Variants in NDUFA12 observed in about 807,000 individuals in gnomAD.
The protein encoded by NDUFA12 is NADH dehydrogenase [ubiquinone] 1 alpha subcomplex subunit 12.
Under a neutral mutation model 20.3 loss-of-function variants are expected in NDUFA12, and 17 were observed. The ratio of observed to expected loss-of-function variants is 0.84; its 90% CI spans 0.57 to 1.26. NDUFA12 has a LOEUF of 1.26. Among genes scored for constraint, NDUFA12 ranks in the 50% most tolerant of loss-of-function variants. The pLI is 0.00. For missense variants in NDUFA12, 191 were observed against 183.7 expected (o/e 1.04, Z -0.23); for synonymous variants, 72 against 63.6 (o/e 1.13, Z -0.63).
intron 3 of NDUFA12, among the ~76,000 whole-genome samples, chr12:94,976,163 A>G (rs542188836): frequency 4.6e-5 from 7 of 152,344 alleles, no homozygotes; most frequent in African/African-American, 7.2e-5. Flanking sequence ...ATGGGCACTA[A>G]TCTATACACT....
At chr12:94,996,324 T>TACACACACACACACACACAC (rs71075891) in intron 2 of NDUFA12, among the ~76,000 whole-genome samples, 51 of 141,176 alleles carry the variant, frequency 3.6e-4, no homozygotes, top group African/African-American at 1.1e-3. Flanking sequence ...CATATATAGG[T>TACACACACACACACACACAC]ACACACACAC....
intron 3 of NDUFA12, 195 bp from the exon 4 acceptor site, chr12:94,971,815 T>G (rs777492669): frequency 2.6e-6 from 2 of 764,002 alleles, no homozygotes; most frequent in South Asian, 2.8e-5. Context: ...GGTATAAACA[T>G]AAAAGGAGAT....
chr12:94,983,746 C>T (rs529823222), intron 3 of NDUFA12, among the ~76,000 whole-genome samples: 1 of 124,140 alleles, frequency 8.1e-6, no homozygotes, highest in African/African-American at 3.2e-5. Flanking sequence ...CCATCAACAG[C>T]CTAGGCCATG....
intron 3 of NDUFA12, among the ~76,000 whole-genome samples, chr12:94,971,989 C>A (rs1032902649): frequency 3.9e-5 from 6 of 152,140 alleles, no homozygotes; most frequent in South Asian, 2.1e-4. Flanking sequence ...GTAGCACTAT[C>A]ATGGCTCATT....
At chr12:95,003,383 G>T (rs933548607) in intron 1 of NDUFA12, among the ~76,000 whole-genome samples, 1 of 152,204 alleles carries the variant, frequency 6.6e-6, no homozygotes, top group Non-Finnish European at 1.5e-5. Flanking sequence ...TTGCCTCCGA[G>T]TCACAGCTCT....
At chr12:94,974,154 T>C (rs1438093466) in intron 3 of NDUFA12, among the ~76,000 whole-genome samples, 1 of 152,010 alleles carries the variant, frequency 6.6e-6, no homozygotes, top group Non-Finnish European at 1.5e-5. Context: ...TTATTTTTAG[T>C]AGAGACGGGG....
rs140191878 is a variant in NDUFA12, at chr12:95,001,519, T to C, written c.169+1220A>G. ...GACACATGCCTGTAATCCCAGCTAC[T>C]TGGGTGGCTGAGGTAGGAGGACAGC... On this transcript the variant is annotated intron_variant, in intron 2 of 3. Coordinates refer to ENST00000327772, the MANE Select transcript of NDUFA12 (RefSeq NM_018838.5). Among the ~76,000 whole-genome samples, 694 of 152,100 alleles carry C rather than the reference T, an allele frequency of 4.6e-3. 7 individuals are homozygous for C. Among genetic ancestry groups the C allele is most frequent in the Middle Eastern group, 0.041 (12 of 294 alleles).
At position 95,003,641 on chromosome 12, in the gene NDUFA12, T is replaced by C. The variant is rs766620870; in HGVS notation, c.40A>G (p.Ile14Val). Reference sequence around the variant, plus strand: ...CCTCGGAGACCGCCGTGGCCGGTGATCTGCTGCAGCCCGCGTTTCAGGACC... The same window carrying C: ...CCTCGGAGACCGCCGTGGCCGGTGACCTGCTGCAGCCCGCGTTTCAGGACC... ...VQVLKRGLQQ[I>V]TGHGGLRGYL... Residue 14 changes from isoleucine to valine, a missense_variant, in exon 1 of 4, where the codon ATC becomes GTC. Transcript: ENST00000327772. The C allele has an allele frequency of 4.3e-6, 7 of 1,613,940 alleles. No individual in the cohort carries two copies. Among genetic ancestry groups the C allele is most frequent in the South Asian group, 2.2e-5 (2 of 91,070 alleles).
At chr12:94,982,445 T>C (rs1874276032) in intron 3 of NDUFA12, among the ~76,000 whole-genome samples, 1 of 152,116 alleles carries the variant, frequency 6.6e-6, no homozygotes, top group African/African-American at 2.4e-5. Context: ...GGCTAATTTT[T>C]TTTTGTAGTT....
intron 2 of NDUFA12, chr12:94,996,902 AC>A (rs1041857473): frequency 5.8e-6 from 2 of 344,696 alleles, no homozygotes; most frequent in Non-Finnish European, 5.6e-6. Context: ...AAGAATAATT[AC>A]CCCAGGTTCT....
intron 3 of NDUFA12, among the ~76,000 whole-genome samples, chr12:94,980,697 T>A (rs938916738): frequency 6.6e-6 from 1 of 152,126 alleles, no homozygotes; most frequent in Non-Finnish European, 1.5e-5. Context: ...GAGGAGAGAC[T>A]GGTGTAACTA....
At chr12:94,991,901 C>T (rs1046729795) in intron 3 of NDUFA12, among the ~76,000 whole-genome samples, 2 of 152,164 alleles carry the variant, frequency 1.3e-5, no homozygotes, top group Non-Finnish European at 2.9e-5. Context: ...TCACTGCAGT[C>T]TCCACTACGT....
intron 3 of NDUFA12, among the ~76,000 whole-genome samples, chr12:94,977,278 C>T (rs1476463781): frequency 6.6e-6 from 1 of 152,174 alleles, no homozygotes; most frequent in African/African-American, 2.4e-5. Context: ...TGGAGGATCA[C>T]TTGAGGCCAG....
At chr12:94,999,695 T>C (rs535007872) in intron 2 of NDUFA12, among the ~76,000 whole-genome samples, 19 of 152,072 alleles carry the variant, frequency 1.2e-4, no homozygotes, top group Non-Finnish European at 2.2e-4. Flanking sequence ...AAAGAAGATA[T>C]ACAAACAGTC....
intron 3 of NDUFA12, among the ~76,000 whole-genome samples, chr12:94,989,749 G>A (rs1395082963): frequency 6.6e-6 from 1 of 152,118 alleles, no homozygotes; most frequent in Non-Finnish European, 1.5e-5. Flanking sequence ...AAAAGGACTT[G>A]CTCCACTGAA....
rs1007286168 is a variant in NDUFA12 at position 94,984,066 on chromosome 12, G to A, written c.257+10104C>T. Reference sequence around the variant, plus strand: ...TCCAGTGGGGGAGGGGGGATGAGAGGGCAGCAATGGGAACTTAGTTACACA... The same window carrying A: ...TCCAGTGGGGGAGGGGGGATGAGAGAGCAGCAATGGGAACTTAGTTACACA... On this transcript the variant is annotated intron_variant, in intron 3 of 3. Coordinates refer to ENST00000327772, the MANE Select transcript of NDUFA12 (RefSeq NM_018838.5). Among the ~76,000 whole-genome samples the A allele has an allele frequency of 2.0e-5, 3 of 151,838 alleles. No individual in the cohort carries two copies. The South Asian group carries it at 6.3e-4, about 32-fold the overall frequency.
chr12:95,000,632 T>TA lies in NDUFA12; in HGVS notation c.169+2106dup, dbSNP rs1338427517. On this transcript the variant is annotated intron_variant, in intron 2 of 3. Coordinates refer to ENST00000327772, the MANE Select transcript of NDUFA12 (RefSeq NM_018838.5). The stretch of plus-strand genomic sequence containing the variant: ...TGAGAAAACTGAGGGTTAGGGAAGT[T>TA]AATTAAGTTAACCAGGTCACAAAGT... Among the ~76,000 whole-genome samples, 4 of 152,302 alleles carry TA rather than the reference T, an allele frequency of 2.6e-5. No homozygotes were observed. In the East Asian group the frequency reaches 7.7e-4, roughly 29 times the overall value.
At chr12:94,995,520 CTTTATTTA>C (rs779716684) in intron 2 of NDUFA12, among the ~76,000 whole-genome samples, 43 of 152,052 alleles carry the variant, frequency 2.8e-4, no homozygotes, top group African/African-American at 8.9e-4. Flanking sequence ...AGAAATTCAA[CTTTATTTA>C]TTTATTTATT....
At chr12:94,984,340 C>T (rs1393240311) in intron 3 of NDUFA12, among the ~76,000 whole-genome samples, 2 of 151,860 alleles carry the variant, frequency 1.3e-5, no homozygotes, top group Non-Finnish European at 2.9e-5. Flanking sequence ...AACAAGCAAA[C>T]GGCCGGGTGT....
Sources: allele counts gnomAD v4.1 joint callset (sites outside exome capture counted in the v4.1 genomes callset), GRCh38; gene constraint gnomAD v4.1.1; transcripts MANE v1.5; gene names NCBI Gene and HGNC (gene_info 2026-07-23, HGNC 2026-07-21).